Variants in AMPD3 observed in about 807,000 individuals in gnomAD.
AMPD3 encodes adenosine monophosphate deaminase 3.
A neutral mutation model predicts 82.3 loss-of-function variants in AMPD3; 57 were observed. The observed-to-expected ratio is 0.69, with a 90% CI of 0.56 to 0.86. AMPD3 has a LOEUF of 0.86. Among genes scored for constraint, AMPD3 ranks in the 40% least tolerant of loss-of-function variants. AMPD3 has a pLI of 0.00. For missense variants in AMPD3, 870 were observed against 1,003.8 expected (o/e 0.87, Z 1.80); for synonymous variants, 381 against 394.7 (o/e 0.97, Z 0.41).
At chr11:10,474,822 G>A (rs1369214425) in intron 2 of AMPD3, among the ~76,000 whole-genome samples, 2 of 152,206 alleles carry the variant, frequency 1.3e-5, no homozygotes, top group East Asian at 3.9e-4. Flanking sequence ...AAGTGTGGGT[G>A]GGGGAAGGAG....
chr11:10,469,079 A>C (rs1046312178), intron 2 of AMPD3, among the ~76,000 whole-genome samples: 1 of 152,246 alleles, frequency 6.6e-6, no homozygotes, highest in African/African-American at 2.4e-5. Flanking sequence ...CACAATTAAA[A>C]GAGCTAGAGA....
At position 10,478,699 on chromosome 11, in the gene AMPD3, G is replaced by A. The variant is rs748652391; in HGVS notation, c.395G>A (p.Arg132Gln). Residue 132 changes from arginine to glutamine, a missense_variant, in exon 3 of 15, where the codon CGG becomes CAG. Physicochemically the swap from Arg to Gln is conservative, Grantham distance 43. Coordinates refer to ENST00000396553, the MANE Select transcript of AMPD3 (RefSeq NM_001025389.2). ...CCCTATGCCATGCCTGAGTTCCAGC[G>A]GGTCACCATCAGCGGAGATTACTGT... The part of the protein sequence containing the change: ...PAPYAMPEFQ[R>Q]VTISGDYCAG... 8.1e-6 allele frequency: 13 copies of A among 1,613,888 alleles called. No individual in the cohort carries two copies. The Middle Eastern group carries it at 6.6e-4, about 82-fold the overall frequency.
intron 10 of AMPD3, among the ~76,000 whole-genome samples, chr11:10,497,960 T>C (rs1475162449): frequency 6.6e-6 from 1 of 152,218 alleles, no homozygotes; most frequent in African/African-American, 2.4e-5. Flanking sequence ...CTCCCTGGAT[T>C]ATCTCATTTA....
chr11:10,486,777 T>C lies in AMPD3; in HGVS notation c.810-458T>C, dbSNP rs189030314. On this transcript the variant is annotated intron_variant, in intron 5 of 14. Coordinates refer to ENST00000396553, the MANE Select transcript of AMPD3 (RefSeq NM_001025389.2). ...GGCAACAAACTCCTTCTTCAAGGAA[T>C]GACAAGTGGCTGAGGATAGAAAAGA... 13 of 985,328 alleles carry C rather than the reference T, an allele frequency of 1.3e-5. No homozygotes were observed. In the African/African-American group the frequency reaches 1.9e-4, roughly 15 times the overall value. 61.0% of individuals were successfully genotyped at this position (985,328 alleles called of 1,614,324 possible). A position where few individuals can be genotyped will look rare whatever the true frequency, so the allele number is the denominator to read the frequency against.
intron 6 of AMPD3, 48 bp downstream of exon 6, chr11:10,487,412 C>T (rs1489407558): frequency 1.2e-6 from 2 of 1,611,466 alleles, no homozygotes; most frequent in East Asian, 2.2e-5. Context: ...GTCCCCCTCC[C>T]AGCCCATGGG....
chr11:10,470,057 A>G (rs1009917859), intron 2 of AMPD3, among the ~76,000 whole-genome samples: 2 of 140,094 alleles, frequency 1.4e-5, no homozygotes, highest in African/African-American at 2.6e-5. Flanking sequence ...AAAAAAAAAA[A>G]GTCCTCAATA....
Position 10,506,043 on chromosome 11 carries a change from T to C in AMPD3, c.*159T>C. 1.3e-6 allele frequency: 1 copy of C among 756,528 alleles called. No homozygotes were observed. Among genetic ancestry groups the C allele is most frequent in the Non-Finnish European group, 2.3e-6 (1 of 441,092 alleles). 46.9% of individuals were successfully genotyped at this position (756,528 alleles called of 1,614,324 possible). On this transcript the variant is annotated 3_prime_UTR_variant, in exon 15 of 15. Coordinates refer to ENST00000396553, the MANE Select transcript of AMPD3 (RefSeq NM_001025389.2). This position sits in a 1 kb window ranked among gnomAD's most constrained non-coding sequence, Gnocchi z 4.1. ...TTGGTTGCACTGCTCACTTTAAGAG[T>C]TAACATGCTCACTTGTTAGTATTTC...
chr11:10,457,271 C>T (rs563797710), intron 1 of AMPD3, among the ~76,000 whole-genome samples: 22 of 152,182 alleles, frequency 1.4e-4, no homozygotes, highest in African/African-American at 3.4e-4. Flanking sequence ...AGCCACTGCA[C>T]CCGGTCTTGG....
chr11:10,481,420 GGCTTAATTA>G, intron 3 of AMPD3: 7 of 985,276 alleles, frequency 7.1e-6, no homozygotes, highest in Non-Finnish European at 8.4e-6. Flanking sequence ...ACAGACTTTT[GGCTTAATTA>G]GCTGCATGTG....
At chr11:10,493,604 C>T in intron 7 of AMPD3, 61 bp downstream of exon 7, 1 of 1,565,264 alleles carries the variant, frequency 6.4e-7, no homozygotes, top group South Asian at 1.1e-5. Context: ...GGACTCAGCC[C>T]CCTGGAAAGC....
chr11:10,460,093 A>G (rs1440513876), intron 1 of AMPD3, among the ~76,000 whole-genome samples: 2 of 144,732 alleles, frequency 1.4e-5, no homozygotes, highest in African/African-American at 5.1e-5. Flanking sequence ...TTATATATAT[A>G]TATATATTTT....
chr11:10,456,477 C>T lies in AMPD3; in HGVS notation c.-6+1029C>T. On this transcript the variant is annotated intron_variant, in intron 1 of 14. Coordinates refer to ENST00000396553, the MANE Select transcript of AMPD3 (RefSeq NM_001025389.2). This position sits in a 1 kb window ranked among gnomAD's most constrained non-coding sequence, Gnocchi z 4.3. ...CTTCCTTCGTATAACGAGGGGATTT[C>T]AGTGGCACTGGGCTTCCTTTCTGGA... 6.2e-7 allele frequency: 1 copy of T among 1,613,628 alleles called. No individual in the cohort carries two copies. Among genetic ancestry groups the T allele is most frequent in the African/African-American group, 1.3e-5 (1 of 75,058 alleles).
rs375146544 is a variant in AMPD3, at chr11:10,495,573, G to A, written c.1270G>A (p.Val424Ile). Residue 424 changes from valine (V) to isoleucine (I), a missense_variant, in exon 9 of 15, where the codon GTT becomes ATT. Val to Ile is a conservative substitution (Grantham distance 29, BLOSUM62 3). Coordinates refer to ENST00000396553, the MANE Select transcript of AMPD3 (RefSeq NM_001025389.2). The part of the protein sequence containing the change: ...GEYFARMVKE[V>I]ARELEESKYQ... ...ACCCAAGCTCTTCTTGTGCCAGGAG[G>A]TTGCCCGGGAGCTGGAGGAGAGCAA... 6.2e-6 allele frequency: 10 copies of A among 1,612,816 alleles called. No homozygotes were observed. In the African/African-American group the frequency reaches 1.3e-4, roughly 22 times the overall value.
At chr11:10,480,781 G>A (rs1338068623) in intron 3 of AMPD3, among the ~76,000 whole-genome samples, 2 of 152,154 alleles carry the variant, frequency 1.3e-5, no homozygotes, top group Non-Finnish European at 2.9e-5. Flanking sequence ...TAAAAATGAT[G>A]ATTTTATTAA....
At chr11:10,461,347 T>A in intron 1 of AMPD3, 168 bp from the exon 2 acceptor site, 1 of 1,589,554 alleles carries the variant, frequency 6.3e-7, no homozygotes, top group Non-Finnish European at 8.5e-7. Context: ...TCCAGTTACT[T>A]ATTGAGCTAA....
In AMPD3 at chr11:10,456,995, T is replaced by TTTTTTA. The variant is rs34276239; in HGVS notation, c.-6+1547_-6+1548insTTTTTA. On this transcript the variant is annotated intron_variant, in intron 1 of 14. Transcript: ENST00000396553. The surrounding 1 kb of genome is among the most constrained non-coding windows in gnomAD (Gnocchi z 4.3). ...TTTCTTGCTTTTTTTTTTTTTTTTT[T>TTTTTTA]GAGAGAAGGTCTTGCTCTGTCACCC... Among the ~76,000 whole-genome samples the TTTTTTA allele has an allele frequency of 6.7e-6, 1 of 150,326 alleles. No homozygotes were observed. Among genetic ancestry groups the TTTTTTA allele is most frequent in the African/African-American group, 2.4e-5 (1 of 40,930 alleles).
At chr11:10,475,188 G>A (rs1848703054) in intron 2 of AMPD3, among the ~76,000 whole-genome samples, 1 of 152,108 alleles carries the variant, frequency 6.6e-6, no homozygotes, top group Non-Finnish European at 1.5e-5. Flanking sequence ...CATGGTGGGA[G>A]CAGGAGCAAG....
chr11:10,481,980 C>T, intron 3 of AMPD3, 83 bp from the exon 4 acceptor site: 1 of 1,572,632 alleles, frequency 6.4e-7, no homozygotes, highest in Non-Finnish European at 8.7e-7. Flanking sequence ...CAGGCAAGGG[C>T]CAATCTTGCA....
intron 10 of AMPD3, chr11:10,497,471 G>A (rs894458453): frequency 3.8e-5 from 23 of 608,800 alleles, no homozygotes; most frequent in South Asian, 7.1e-5. Context: ...CGGAGGGGGC[G>A]GGAGCCGGTC....
Sources: gnomAD v4.1 joint callset for allele counts (sites outside exome capture counted in the v4.1 genomes callset) on GRCh38, gnomAD v4.1.1 for gene constraint, Gnocchi (gnomAD v3.1) non-coding constraint, MANE v1.5 for transcripts, NCBI Gene and HGNC (gene_info 2026-07-23, HGNC 2026-07-21) for gene names.